PTPRE: variants seen among roughly 807,000 people sequenced by gnomAD.
PTPRE encodes receptor-type tyrosine-protein phosphatase epsilon.
A neutral mutation model predicts 102.0 loss-of-function variants in PTPRE; 51 were observed. That is an observed-to-expected ratio of 0.50 (90% CI 0.40 to 0.63). The LOEUF (loss-of-function observed/expected upper bound fraction) is 0.63, where lower values mean the gene tolerates loss of function less well. Among genes scored for constraint, PTPRE ranks in the 30% least tolerant of loss-of-function variants. PTPRE has a pLI of 0.00. For synonymous variants in PTPRE, 345 were observed against 348.2 expected, an observed-to-expected ratio of 0.99 and a Z score of 0.10; for missense variants, 752 against 915.1, an observed-to-expected ratio of 0.82 and a Z score of 2.30.
intron 2 of PTPRE, among the ~76,000 whole-genome samples, chr10:128,019,793 C>T (rs1037665201): frequency 6.6e-5 from 10 of 152,168 alleles, no homozygotes; most frequent in African/African-American, 2.2e-4. Context: ...CAGGGTCCTG[C>T]GAGAGGTGTT....
At chr10:127,928,205 GC>G (rs1276532500) in intron 1 of PTPRE, among the ~76,000 whole-genome samples, 28 of 152,180 alleles carry the variant, frequency 1.8e-4, no homozygotes, top group African/African-American at 5.8e-4. Context: ...TATCTGGCCA[GC>G]CTGTCTCATG....
chr10:127,983,127 T>A (rs1851779144), intron 2 of PTPRE, among the ~76,000 whole-genome samples: 1 of 152,192 alleles, frequency 6.6e-6, no homozygotes, highest in Non-Finnish European at 1.5e-5. Flanking sequence ...GATCAATTAT[T>A]GTTCCCTGGC....
At chr10:128,073,586 A>G (rs1188136208) in intron 17 of PTPRE, 115 bp downstream of exon 17, 1 of 1,274,816 alleles carries the variant, frequency 7.8e-7, no homozygotes, top group African/African-American at 1.5e-5. Context: ...GGTGAGACCA[A>G]GCCAGGACCA....
chr10:128,020,013 G>T (rs1214856002), intron 2 of PTPRE, among the ~76,000 whole-genome samples: 1 of 148,138 alleles, frequency 6.8e-6, no homozygotes, highest in Non-Finnish European at 1.5e-5. Flanking sequence ...CTTTGCCAGA[G>T]GGTGGAGGCT....
chr10:127,935,246 G>A (rs1305846010), intron 1 of PTPRE, among the ~76,000 whole-genome samples: 2 of 152,154 alleles, frequency 1.3e-5, no homozygotes, highest in African/African-American at 2.4e-5. Flanking sequence ...TCCAGCTCCC[G>A]TGGTGCAAAC....
chr10:128,039,412 A>G (rs2135789948), intron 2 of PTPRE, among the ~76,000 whole-genome samples: 1 of 152,256 alleles, frequency 6.6e-6, no homozygotes, highest in African/African-American at 2.4e-5. Flanking sequence ...AGCATATAGT[A>G]GGTGCTCATG....
At chr10:127,941,306 G>T (rs1848226753) in intron 1 of PTPRE, among the ~76,000 whole-genome samples, 1 of 152,238 alleles carries the variant, frequency 6.6e-6, no homozygotes, top group South Asian at 2.1e-4. Flanking sequence ...TAGCAATTGT[G>T]GGAGCAACAC....
intron 1 of PTPRE, among the ~76,000 whole-genome samples, chr10:127,979,247 C>CTGGGGTCAGTGACCCCAG (rs1851424568): frequency 6.6e-6 from 1 of 152,176 alleles, no homozygotes. Context: ...CAGCTTCTCA[C>CTGGGGTCAGTGACCCCAG]TGACCCCACT....
At chr10:128,013,883 C>T (rs1476495541) in intron 2 of PTPRE, among the ~76,000 whole-genome samples, 4 of 152,120 alleles carry the variant, frequency 2.6e-5, no homozygotes, top group African/African-American at 7.2e-5. Flanking sequence ...GGGAGTTTCC[C>T]GAAGGCAGGG....
intron 2 of PTPRE, among the ~76,000 whole-genome samples, chr10:127,993,784 T>C (rs1184124670): frequency 6.6e-6 from 1 of 151,822 alleles, no homozygotes; most frequent in African/African-American, 2.4e-5. Context: ...TGTGTGTGTG[T>C]GTGCGTGTGT....
rs540179729 is a variant in PTPRE, at chr10:127,981,873, T to G, written c.-30-401T>G. Among the ~76,000 whole-genome samples, 170 of 152,060 alleles carry G rather than the reference T, an allele frequency of 1.1e-3. 1 individual carries two copies. Among genetic ancestry groups the G allele is most frequent in the African/African-American group, 3.6e-3 (150 of 41,476 alleles). ...GGAATTGATCAGGCTAGATAAAGAT[T>G]AAGCTAGAAAGCTGGAGAAAGTGAG... On this transcript the variant is annotated intron_variant, in intron 1 of 20. Transcript: ENST00000254667.
At chr10:127,932,105 A>G (rs1224435267) in intron 1 of PTPRE, among the ~76,000 whole-genome samples, 2 of 152,212 alleles carry the variant, frequency 1.3e-5, no homozygotes, top group East Asian at 1.9e-4. Flanking sequence ...CTATTAAGGA[A>G]TATAAGAAGG....
chr10:127,922,928 C>T (rs1846711563), intron 1 of PTPRE, among the ~76,000 whole-genome samples: 1 of 152,214 alleles, frequency 6.6e-6, no homozygotes, highest in South Asian at 2.1e-4. Flanking sequence ...CCCAGCCAAG[C>T]TCGGCCTCCC....
intron 2 of PTPRE, among the ~76,000 whole-genome samples, chr10:128,026,442 G>A (rs1416685605): frequency 1.3e-5 from 2 of 152,156 alleles, no homozygotes; most frequent in East Asian, 1.9e-4. Context: ...ATAGAACAAC[G>A]CCCACTTCCA....
chr10:127,999,640 T>G, intron 2 of PTPRE: 2 of 985,034 alleles, frequency 2.0e-6, no homozygotes, highest in Non-Finnish European at 2.4e-6. Flanking sequence ...TGACTGATTA[T>G]GAACTTAAAA....
chr10:127,930,061 CAAA>C (rs941241176), intron 1 of PTPRE, among the ~76,000 whole-genome samples: 17 of 72,868 alleles, frequency 2.3e-4, no homozygotes, highest in African/African-American at 4.6e-4. Context: ...GATTCCATCT[CAAA>C]AAAAAAAAAA....
At chr10:127,913,060 A>G (rs1845970466) in intron 1 of PTPRE, among the ~76,000 whole-genome samples, 1 of 152,230 alleles carries the variant, frequency 6.6e-6, no homozygotes, top group African/African-American at 2.4e-5. Flanking sequence ...GGCTCTGGAC[A>G]AGGCAAGGGA....
chr10:127,922,468 G>T (rs561039632), intron 1 of PTPRE, among the ~76,000 whole-genome samples: 1 of 152,360 alleles, frequency 6.6e-6, no homozygotes, highest in African/African-American at 2.4e-5. Context: ...TGAGGTCCTT[G>T]TGTTGTCCGT....
Position 128,085,785 on chromosome 10 carries a change from A to T in PTPRE, c.*2879A>T, listed in dbSNP as rs1218818943. ...TTATAATGCCAGTGAATGTTGCTGA[A>T]CTCTTTGTATATGCAAATTGCAAGA... On this transcript the variant is annotated 3_prime_UTR_variant, in exon 21 of 21. Transcript: ENST00000254667. The T allele has an allele frequency of 6.8e-6, 1 of 146,714 alleles. No individual in the cohort carries two copies. Among genetic ancestry groups the T allele is most frequent in the East Asian group, 2.0e-4 (1 of 4,902 alleles). The allele number at this position is 146,714 out of a possible 1,614,324, so 9.1% of individuals were successfully genotyped here.
Sources: gnomAD v4.1 joint callset for allele counts (sites outside exome capture counted in the v4.1 genomes callset) on GRCh38, gnomAD v4.1.1 for gene constraint, MANE v1.5 for transcripts, NCBI Gene and HGNC (gene_info 2026-07-23, HGNC 2026-07-21) for gene names.